Variants in MGST1 observed in about 807,000 individuals in gnomAD.
MGST1 encodes microsomal glutathione S-transferase 1.
Under a neutral mutation model 8.9 loss-of-function variants are expected in MGST1, and 5 were observed. The observed-to-expected ratio is 0.56, with a 90% CI of 0.29 to 1.19. The LOEUF is 1.19. Among genes scored for constraint, MGST1 ranks in the 50% most tolerant of loss-of-function variants. The pLI, the probability that MGST1 is intolerant of heterozygous loss-of-function variation, is 0.08. For missense variants in MGST1, 182 were observed against 187.4 expected (o/e 0.97, Z 0.17); for synonymous variants, 54 against 67.8 (o/e 0.80, Z 1.00).
chr12:16,508,862 C>A (rs1941557980), intron 4 of MGST1, among the ~76,000 whole-genome samples: 1 of 152,100 alleles, frequency 6.6e-6, no homozygotes, highest in South Asian at 2.1e-4. Flanking sequence ...TTTTAGCTTA[C>A]CATCTGCAAA....
At chr12:16,430,408 A>G (rs1940927289) in intron 1 of MGST1, among the ~76,000 whole-genome samples, 1 of 152,208 alleles carries the variant, frequency 6.6e-6, no homozygotes. Context: ...TAGATCCATC[A>G]GAGGAATCAC....
At chr12:16,445,931 G>A (rs1232046829) in intron 4 of MGST1, among the ~76,000 whole-genome samples, 1 of 151,788 alleles carries the variant, frequency 6.6e-6, no homozygotes, top group African/African-American at 2.4e-5. Context: ...CTTTCTACTT[G>A]GTCTTTCCTG....
chr12:16,480,142 CTT>C (rs57998683), intron 4 of MGST1, among the ~76,000 whole-genome samples: 19 of 129,884 alleles, frequency 1.5e-4, no homozygotes, highest in Admixed American at 2.4e-4. Context: ...TAAAAATTTG[CTT>C]TTTTTTTTTT....
chr12:16,390,339 C>T (rs113131775), intron 1 of MGST1, among the ~76,000 whole-genome samples: 21 of 152,136 alleles, frequency 1.4e-4, no homozygotes, highest in African/African-American at 5.1e-4. Flanking sequence ...TGCATATTTG[C>T]TATATAGGCA....
chr12:16,529,890 A>G lies in MGST1; in HGVS notation n.483-59638A>G, dbSNP rs550215599. ...TTTTCTCCAAACTGCTTTGATATGA[A>G]AAAGACTCTTTGGCATAGCTCCAAT... On this transcript the variant is annotated intron_variant and non_coding_transcript_variant, in intron 4 of 4. Coordinates refer to the MGST1 transcript ENST00000538857. Among the ~76,000 whole-genome samples, 11 of 152,228 alleles carry G rather than the reference A, an allele frequency of 7.2e-5. No homozygotes were observed. The South Asian group carries it at 1.9e-3, about 26-fold the overall frequency.
chr12:16,571,880 T>C (rs1013358849), intron 4 of MGST1, among the ~76,000 whole-genome samples: 3 of 152,042 alleles, frequency 2.0e-5, no homozygotes, highest in South Asian at 2.1e-4. Context: ...GGAAGGCATA[T>C]AACTTTTATT....
At chr12:16,543,559 G>T (rs938191630) in intron 4 of MGST1, among the ~76,000 whole-genome samples, 1 of 151,884 alleles carries the variant, frequency 6.6e-6, no homozygotes, top group Non-Finnish European at 1.5e-5. Context: ...AAAAATAATA[G>T]TGGTACTAAT....
intron 4 of MGST1, among the ~76,000 whole-genome samples, chr12:16,507,904 G>A (rs1240487583): frequency 6.6e-6 from 1 of 152,166 alleles, no homozygotes; most frequent in Admixed American, 6.5e-5. Flanking sequence ...CAAGGAATGA[G>A]CAATAGGAAG....
Position 16,410,448 on chromosome 12 carries a change from C to A in MGST1, n.778+26844C>A, listed in dbSNP as rs1370010875. ...AGCCCGTCTGTGTTTTCTAAATCTG[C>A]AAATATGATGCACTCAGTTCTATAG... On this transcript the variant is annotated intron_variant and non_coding_transcript_variant, in intron 1 of 1. Transcript: ENST00000359720. The surrounding 1 kb of genome is among the most constrained non-coding windows in gnomAD (Gnocchi z 4.4). 6.6e-6 allele frequency among the ~76,000 whole-genome samples: 1 copy of A among 151,796 alleles called. No individual in the cohort carries two copies. The highest frequency in any genetic ancestry group is 1.5e-5 in the Non-Finnish European group (1 of 67,980).
chr12:16,581,158 A>G (rs1187666811), intron 4 of MGST1, among the ~76,000 whole-genome samples: 1 of 152,232 alleles, frequency 6.6e-6, no homozygotes, highest in Non-Finnish European at 1.5e-5. Context: ...ATTCAATTAC[A>G]GATGACAGGA....
rs1943239559 is a variant in MGST1, at chr12:16,583,853, G to T, written n.483-5675G>T. The stretch of plus-strand genomic sequence containing the variant: ...TGATTGACAGTTGGGTTCATAGTGG[G>T]CAGGAAAGATAGAAGTCTTAAAGGT... On this transcript the variant is annotated intron_variant and non_coding_transcript_variant, in intron 4 of 4. Coordinates refer to the MGST1 transcript ENST00000538857. Among the ~76,000 whole-genome samples, 3 of 152,156 alleles carry T rather than the reference G, an allele frequency of 2.0e-5. 1 individual carries two copies. The South Asian group carries it at 6.2e-4, about 32-fold the overall frequency.
chr12:16,588,338 A>G (rs764190932), intron 4 of MGST1, among the ~76,000 whole-genome samples: 1 of 152,062 alleles, frequency 6.6e-6, no homozygotes, highest in Non-Finnish European at 1.5e-5. Flanking sequence ...GTGAAAAATA[A>G]TGTGAGTAAA....
downstream of MGST1, among the ~76,000 whole-genome samples, chr12:16,378,755 G>A (rs1317738508): frequency 2.3e-4 from 34 of 150,518 alleles, no homozygotes; most frequent in African/African-American, 6.8e-4. Context: ...CCATTTTCAC[G>A]ATATTGATTC....
At chr12:16,552,438 T>C (rs1222759171) in intron 4 of MGST1, among the ~76,000 whole-genome samples, 1 of 152,068 alleles carries the variant, frequency 6.6e-6, no homozygotes, top group Non-Finnish European at 1.5e-5. Flanking sequence ...TTTAATGTTT[T>C]GTGAAGTTGA....
At chr12:16,446,703 C>G (rs917673274) in intron 4 of MGST1, among the ~76,000 whole-genome samples, 4 of 151,850 alleles carry the variant, frequency 2.6e-5, no homozygotes, top group African/African-American at 9.7e-5. Context: ...GACAGCCCCT[C>G]CTATCATCCA....
At chr12:16,464,619 C>A (rs1023059340) in intron 4 of MGST1, among the ~76,000 whole-genome samples, 1 of 152,220 alleles carries the variant, frequency 6.6e-6, no homozygotes, top group Admixed American at 6.5e-5. Flanking sequence ...GATTCCTATG[C>A]AAAGGTACTC....
downstream of MGST1, among the ~76,000 whole-genome samples, chr12:16,443,589 T>G (rs1198423673): frequency 1.3e-5 from 2 of 151,948 alleles, no homozygotes; most frequent in Non-Finnish European, 2.9e-5. Flanking sequence ...TACAACATCA[T>G]AAACAATGCT....
At chr12:16,420,110 C>T (rs1170692040) in intron 1 of MGST1, among the ~76,000 whole-genome samples, 4 of 152,148 alleles carry the variant, frequency 2.6e-5, no homozygotes, top group Non-Finnish European at 5.9e-5. Context: ...TTTAGCTTTA[C>T]ATATATGAAT....
intron 1 of MGST1, among the ~76,000 whole-genome samples, chr12:16,422,771 T>C (rs1678437414): frequency 6.6e-6 from 1 of 152,168 alleles, no homozygotes. Context: ...AGACAATGCT[T>C]TTCTGGTTAC....
Sources: gnomAD v4.1 joint callset for allele counts (sites outside exome capture counted in the v4.1 genomes callset) on GRCh38, gnomAD v4.1.1 for gene constraint, Gnocchi (gnomAD v3.1) non-coding constraint, MANE v1.5 for transcripts, NCBI Gene and HGNC (gene_info 2026-07-23, HGNC 2026-07-21) for gene names.